Variants in VPS13D observed in about 807,000 individuals in gnomAD.
VPS13D encodes vacuolar protein sorting 13 homolog D.
In VPS13D, 187 loss-of-function variants were observed where a neutral mutation model predicts 461.9. That is an observed-to-expected ratio of 0.40 (90% confidence interval 0.36 to 0.46). The LOEUF (loss-of-function observed/expected upper bound fraction) is 0.46, where lower values mean the gene tolerates loss of function less well. Among genes scored for constraint, VPS13D ranks in the 20% least tolerant of loss-of-function variants. VPS13D has a pLI of 0.60. For missense variants in VPS13D, 4,711 were observed against 5,364.9 expected (o/e 0.88, Z 3.81); for synonymous variants, 1,951 against 1,986.3 (o/e 0.98, Z 0.47).
chr1:12,417,287 G>A lies in VPS13D; in HGVS notation c.12333+460G>A, dbSNP rs964207042. Among the ~76,000 whole-genome samples, 7 of 152,174 alleles carry A rather than the reference G, an allele frequency of 4.6e-5. No homozygotes were observed. In the East Asian group the frequency reaches 1.2e-3, roughly 25 times the overall value. ...AAGCCACCTGAAACCAGCAGCAGAT[G>A]GACAGTGATGTCATTCTCCAGTATC... is the stretch of plus-strand genomic sequence containing the variant. On this transcript the variant is annotated intron_variant, in intron 65 of 69. Coordinates refer to ENST00000620676, the MANE Select transcript of VPS13D (RefSeq NM_015378.4).
rs192717272 is a variant in VPS13D, at chr1:12,500,083, A to T, written c.12794+2452A>T. On this transcript the variant is annotated intron_variant, in intron 68 of 69. Coordinates refer to ENST00000620676, the MANE Select transcript of VPS13D (RefSeq NM_015378.4). ...GTTTCACTTCTGGAAAATATTGTGTAATTATTTCCCGATGGAGTGAAAACC... is the reference window on the plus strand; with the variant it reads ...GTTTCACTTCTGGAAAATATTGTGTTATTATTTCCCGATGGAGTGAAAACC... 2.0e-5 allele frequency: 20 copies of T among 985,364 alleles called. No individual in the cohort carries two copies. The Admixed American group carries it at 1.1e-3, about 54-fold the overall frequency. The allele number at this position is 985,364 out of a possible 1,614,324, so 61.0% of individuals were successfully genotyped here.
At chr1:12,296,481 T>C (rs893393587) in intron 24 of VPS13D, among the ~76,000 whole-genome samples, 2 of 152,220 alleles carry the variant, frequency 1.3e-5, no homozygotes, top group Admixed American at 1.3e-4. Context: ...ATCCAGCTAT[T>C]TTTCCTAGCC....
intron 65 of VPS13D, among the ~76,000 whole-genome samples, chr1:12,441,270 T>A (rs1217840659): frequency 6.6e-6 from 1 of 152,134 alleles, no homozygotes; most frequent in Non-Finnish European, 1.5e-5. Context: ...CTGTCATTTG[T>A]ATGAAATGGG....
At chr1:12,442,523 C>T (rs1260038046) in intron 65 of VPS13D, among the ~76,000 whole-genome samples, 2 of 151,450 alleles carry the variant, frequency 1.3e-5, no homozygotes, top group Admixed American at 1.3e-4. Flanking sequence ...TATAATTCTC[C>T]ATTACTATTT....
intron 65 of VPS13D, among the ~76,000 whole-genome samples, chr1:12,443,126 T>C (rs113555278): frequency 9.2e-5 from 14 of 152,366 alleles, no homozygotes; most frequent in African/African-American, 3.4e-4. Context: ...CCCTGAGGTG[T>C]TCACTGTCCT....
At position 12,304,641 on chromosome 1, in the gene VPS13D, C is replaced by T. The variant is rs1395083358; in HGVS notation, c.6352C>T (p.Leu2118=). 6.2e-7 allele frequency: 1 copy of T among 1,613,940 alleles called. No homozygotes were observed. The highest frequency in any genetic ancestry group is 1.3e-5 in the African/African-American group (1 of 74,868). Residue 2118 remains leucine, a synonymous_variant, in exon 26 of 70, where the codon CTG becomes TTG. Coordinates refer to ENST00000620676, the MANE Select transcript of VPS13D (RefSeq NM_015378.4). Reference sequence around the variant, plus strand: ...TCTTGCTGGAATGAGCCTAGGAAGCCTGAAGAGTGAGTTTGTGCCCAGTAC... The same window carrying T: ...TCTTGCTGGAATGAGCCTAGGAAGCTTGAAGAGTGAGTTTGTGCCCAGTAC... ...MPLAGMSLGS[L]KSEFVPSTST... is the part of the protein sequence containing the mutation.
intron 19 of VPS13D, among the ~76,000 whole-genome samples, chr1:12,278,908 G>T (rs72866612): frequency 6.6e-6 from 1 of 152,214 alleles, no homozygotes; most frequent in African/African-American, 2.4e-5. Context: ...GTCTTGGCAC[G>T]CAGAGATCAG....
chr1:12,446,423 GAAA>G (rs111756019), intron 65 of VPS13D, among the ~76,000 whole-genome samples: 1 of 100,608 alleles, frequency 9.9e-6, no homozygotes, highest in African/African-American at 3.7e-5. Flanking sequence ...TCTCAAAAAA[GAAA>G]AAAAAAAAAA....
chr1:12,261,015 G>T lies in VPS13D; in HGVS notation c.1280G>T (p.Ser427Ile), dbSNP rs1181605192. The change falls in exon 12 of 70, where the codon AGT becomes ATT. Residue 427 changes from serine to isoleucine, a missense_variant. Transcript: ENST00000620676. Reference sequence around the variant, plus strand: ...GGAGCCCCAGAACCCGGTGGAGGCAGTGGGATGCTGCAGTATCTCCAGTCC... The same window carrying T: ...GGAGCCCCAGAACCCGGTGGAGGCATTGGGATGCTGCAGTATCTCCAGTCC... Reference protein sequence around the residue: ...CPGAPEPGGGSGMLQYLQSWF... With the variant: ...CPGAPEPGGGIGMLQYLQSWF... The T allele has an allele frequency of 1.2e-6, 2 of 1,614,046 alleles. No homozygotes were observed. Among genetic ancestry groups the T allele is most frequent in the Non-Finnish European group, 1.7e-6 (2 of 1,180,024 alleles).
intron 36 of VPS13D, 149 bp downstream of exon 36, chr1:12,328,003 A>G (rs1486899936): frequency 3.4e-6 from 3 of 869,776 alleles, no homozygotes; most frequent in Non-Finnish European, 5.1e-6. Flanking sequence ...TTCATTATGT[A>G]TGTTTTAAAG....
chr1:12,328,618 A>G (rs1004628075), intron 36 of VPS13D, among the ~76,000 whole-genome samples: 2 of 151,852 alleles, frequency 1.3e-5, no homozygotes, highest in Non-Finnish European at 2.9e-5. Flanking sequence ...TCGGCTCACC[A>G]CAATCTCTGC....
At chr1:12,289,885 A>G (rs1302996076) in intron 22 of VPS13D, among the ~76,000 whole-genome samples, 1 of 152,102 alleles carries the variant, frequency 6.6e-6, no homozygotes, top group Admixed American at 6.6e-5. Flanking sequence ...GCAGTGAGCC[A>G]TGATTGTGCC....
At chr1:12,420,945 A>G (rs1367977039) in intron 65 of VPS13D, among the ~76,000 whole-genome samples, 1 of 152,082 alleles carries the variant, frequency 6.6e-6, no homozygotes, top group East Asian at 1.9e-4. Context: ...ACAAATTTTA[A>G]ATTTCAGGTC....
At chr1:12,325,045 AAG>A (rs1643143227) in intron 35 of VPS13D, among the ~76,000 whole-genome samples, 1 of 152,148 alleles carries the variant, frequency 6.6e-6, no homozygotes, top group African/African-American at 2.4e-5. Context: ...TCTCTTCAAA[AAG>A]AGAAGTACAG....
chr1:12,466,129 A>T (rs952090721), intron 67 of VPS13D, among the ~76,000 whole-genome samples: 18 of 151,096 alleles, frequency 1.2e-4, no homozygotes, highest in Admixed American at 8.6e-4. Flanking sequence ...GCGAGACTCC[A>T]TCTAAAAAAA....
intron 54 of VPS13D, among the ~76,000 whole-genome samples, chr1:12,372,730 G>A (rs188502079): frequency 4.0e-5 from 6 of 151,462 alleles, no homozygotes; most frequent in South Asian, 2.1e-4. Flanking sequence ...ATCTGCTTTG[G>A]GGGGAACAAA....
chr1:12,256,598 T>C, intron 8 of VPS13D, 95 bp downstream of exon 8: 1 of 1,389,552 alleles, frequency 7.2e-7, no homozygotes, highest in Non-Finnish European at 9.9e-7. Context: ...GGAAAGAAAG[T>C]TCATGTGAGA....
rs28612934 is a variant in VPS13D at position 12,335,566 on chromosome 1, T to C, written c.8429-139T>C. The C allele has an allele frequency of 0.1, 113,275 of 1,082,476 alleles. 12,409 individuals are homozygous for C. The highest frequency in any genetic ancestry group is 0.5 in the African/African-American group (31,294 of 62,912). The allele number at this position is 1,082,476 out of a possible 1,614,324, so 67.1% of individuals were successfully genotyped here. On this transcript the variant is annotated intron_variant, in intron 38 of 69. Coordinates refer to ENST00000620676, the MANE Select transcript of VPS13D (RefSeq NM_015378.4). ...GTGGAGCGTGAGGCTCTCCAGGGCA[T>C]AGACTTTCTCGGAATCTAGCACAGG...
At chr1:12,236,631 C>T (rs1640155192) in intron 2 of VPS13D, among the ~76,000 whole-genome samples, 1 of 152,066 alleles carries the variant, frequency 6.6e-6, no homozygotes, top group African/African-American at 2.4e-5. Context: ...GATCCTCCCA[C>T]CTGGGCCTCC....
Sources: allele counts gnomAD v4.1 joint callset (sites outside exome capture counted in the v4.1 genomes callset), GRCh38; gene constraint gnomAD v4.1.1; transcripts MANE v1.5; gene names NCBI Gene and HGNC (gene_info 2026-07-23, HGNC 2026-07-21).